BTBD8: variants seen among roughly 807,000 people sequenced by gnomAD.
The protein encoded by BTBD8 is BTB/POZ domain-containing protein 8.
Under a neutral mutation model 162.9 loss-of-function variants are expected in BTBD8, and 110 were observed. The ratio of observed to expected loss-of-function variants is 0.68; its 90% CI spans 0.58 to 0.79. The LOEUF (loss-of-function observed/expected upper bound fraction) is 0.79, where lower values mean the gene tolerates loss of function less well. Ranked by LOEUF, BTBD8 falls within the 30% of genes least tolerant of loss-of-function variation. The pLI is 0.00. For synonymous variants in BTBD8, 667 were observed against 716.1 expected, an observed-to-expected ratio of 0.93 and a Z score of 1.10; for missense variants, 1,905 against 2,085.4, an observed-to-expected ratio of 0.91 and a Z score of 1.68.
At position 92,108,002 on chromosome 1, in the gene BTBD8, G is replaced by A. The variant is rs1378706829; in HGVS notation, c.662+1G>A. The A allele has an allele frequency of 1.2e-6, 2 of 1,606,836 alleles. No individual in the cohort carries two copies. Among genetic ancestry groups the A allele is most frequent in the South Asian group, 1.1e-5 (1 of 90,928 alleles). On this transcript the variant is annotated splice_donor_variant, in intron 4 of 17. Transcript: ENST00000636805. LOFTEE classifies it high-confidence loss of function. ...ATGGAAAACGTTTTAAAGCTCACAGGTAAATAGACACGACTGATTTGCTGT... is the reference window on the plus strand; with the variant it reads ...ATGGAAAACGTTTTAAAGCTCACAGATAAATAGACACGACTGATTTGCTGT...
At chr1:92,163,399 AC>A (rs1453937918) in intron 9 of BTBD8, among the ~76,000 whole-genome samples, 1 of 147,146 alleles carries the variant, frequency 6.8e-6, no homozygotes, top group Non-Finnish European at 1.5e-5. Flanking sequence ...GATACAGAGT[AC>A]TGTGCATATT....
intron 2 of BTBD8, among the ~76,000 whole-genome samples, chr1:92,091,742 A>G (rs1311285073): frequency 6.6e-6 from 1 of 151,742 alleles, no homozygotes; most frequent in Non-Finnish European, 1.5e-5. Flanking sequence ...GGTTACTCCT[A>G]TGTTTTTTTC....
At chr1:92,120,110 T>A (rs1649163464) in intron 4 of BTBD8, among the ~76,000 whole-genome samples, 1 of 151,944 alleles carries the variant, frequency 6.6e-6, no homozygotes, top group Non-Finnish European at 1.5e-5. Flanking sequence ...CATCTCTAAC[T>A]TGAACTCCTG....
chr1:92,129,119 A>T (rs1057147930), intron 4 of BTBD8, among the ~76,000 whole-genome samples: 1 of 152,054 alleles, frequency 6.6e-6, no homozygotes, highest in South Asian at 2.1e-4. Context: ...TATTTAAAAA[A>T]TTAAATATCA....
intron 2 of BTBD8, among the ~76,000 whole-genome samples, chr1:92,093,643 A>G (rs1037873606): frequency 6.6e-6 from 1 of 152,210 alleles, no homozygotes; most frequent in Non-Finnish European, 1.5e-5. Context: ...AAAAATGGGC[A>G]CATTAATAAT....
At chr1:92,168,817 C>T in intron 11 of BTBD8, 49 bp from the exon 12 acceptor site, 1 of 1,448,486 alleles carries the variant, frequency 6.9e-7, no homozygotes, top group Non-Finnish European at 9.3e-7. Context: ...TGACTGGTTG[C>T]TATGACAATG....
At chr1:92,139,225 G>T in intron 5 of BTBD8, 125 bp from the exon 6 acceptor site, 3 of 965,008 alleles carry the variant, frequency 3.1e-6, no homozygotes, top group South Asian at 3.8e-5. Context: ...TATTTGAAGA[G>T]TATATTCTTC....
intron 1 of BTBD8, among the ~76,000 whole-genome samples, chr1:92,085,901 G>A (rs901744880): frequency 6.6e-6 from 1 of 152,094 alleles, no homozygotes; most frequent in African/African-American, 2.4e-5. Context: ...ACATAAAGTG[G>A]GACCAGGGGG....
intron 3 of BTBD8, among the ~76,000 whole-genome samples, chr1:92,106,168 G>A (rs1250860942): frequency 6.6e-6 from 1 of 152,182 alleles, no homozygotes; most frequent in African/African-American, 2.4e-5. Flanking sequence ...TAATGGACTT[G>A]TTTGGTCTCA....
rs1420286361 is a variant in BTBD8 at position 92,181,402 on chromosome 1, G to T, written c.3719G>T (p.Gly1240Val). The change falls in exon 17 of 18, where the codon GGT becomes GTT. Residue 1240 changes from glycine (G) to valine (V), a missense_variant. Gly to Val is a moderately radical substitution (Grantham distance 109). This residue lies in a region of BTBD8 where 1,374 missense variants were observed against 1,442.7 expected (regional missense o/e 0.95). Coordinates refer to ENST00000636805, the MANE Select transcript of BTBD8 (RefSeq NM_001376131.1). Reference protein sequence around the residue: ...PFVGHWNLSTGVLHQRESPES... With the variant: ...PFVGHWNLSTVVLHQRESPES... ...GTGGGTCACTGGAATTTGAGTACTGGTGTTCTGCATCAGCGAGAGAGTCCT... is the reference window on the plus strand; with the variant it reads ...GTGGGTCACTGGAATTTGAGTACTGTTGTTCTGCATCAGCGAGAGAGTCCT... 6.4e-7 allele frequency: 1 copy of T among 1,551,648 alleles called. No homozygotes were observed. Among genetic ancestry groups the T allele is most frequent in the Non-Finnish European group, 8.7e-7 (1 of 1,146,972 alleles).
chr1:92,154,363 G>A (rs1371663977), intron 9 of BTBD8, among the ~76,000 whole-genome samples: 1 of 152,150 alleles, frequency 6.6e-6, no homozygotes, highest in East Asian at 1.9e-4. Flanking sequence ...CCTGCATACT[G>A]TTCTACATAG....
At chr1:92,080,809 C>A (rs556781550) in intron 1 of BTBD8, 89 bp downstream of exon 1, 4 of 1,520,652 alleles carry the variant, frequency 2.6e-6, no homozygotes, top group African/African-American at 1.4e-5. Context: ...TCTGCCTCCC[C>A]CTCCCTCAGC....
intron 4 of BTBD8, among the ~76,000 whole-genome samples, chr1:92,121,762 G>A (rs912755011): frequency 3.9e-5 from 6 of 151,906 alleles, no homozygotes; most frequent in Admixed American, 6.6e-5. Flanking sequence ...GGCAACAAAT[G>A]ATTTTCATGT....
intron 5 of BTBD8, among the ~76,000 whole-genome samples, chr1:92,135,110 C>T (rs747996491): frequency 1.3e-5 from 2 of 151,832 alleles, no homozygotes; most frequent in Non-Finnish European, 1.5e-5. Context: ...AGGCTGGTCT[C>T]GACCTCCTGA....
At chr1:92,100,861 G>A (rs536025588) in intron 2 of BTBD8, among the ~76,000 whole-genome samples, 65 of 152,174 alleles carry the variant, frequency 4.3e-4, no homozygotes, top group African/African-American at 1.3e-3. Flanking sequence ...CGTTTGCCTC[G>A]GCCTCCCAAA....
At chr1:92,146,690 A>G (rs1196242827) in intron 7 of BTBD8, among the ~76,000 whole-genome samples, 1 of 152,172 alleles carries the variant, frequency 6.6e-6, no homozygotes, top group Non-Finnish European at 1.5e-5. Flanking sequence ...GGGATGTAAT[A>G]TAGTTGCAAT....
intron 4 of BTBD8, among the ~76,000 whole-genome samples, chr1:92,128,628 C>T (rs1251505635): frequency 1.3e-5 from 2 of 151,788 alleles, no homozygotes; most frequent in East Asian, 3.9e-4. Context: ...TCATATTGGC[C>T]AGGCTGGTCT....
chr1:92,140,620 T>C (rs972019773), intron 6 of BTBD8, among the ~76,000 whole-genome samples: 1 of 152,220 alleles, frequency 6.6e-6, no homozygotes, highest in Admixed American at 6.5e-5. Flanking sequence ...ACCTAAAGTA[T>C]GTGTAGGTGT....
intron 10 of BTBD8, 67 bp downstream of exon 10, chr1:92,167,207 G>C: frequency 2.7e-6 from 4 of 1,504,548 alleles, no homozygotes; most frequent in Non-Finnish European, 3.6e-6. Flanking sequence ...TTATGTAAGA[G>C]CTTTTAAATG....
Sources: allele counts gnomAD v4.1 joint callset (sites outside exome capture counted in the v4.1 genomes callset), GRCh38; gene constraint gnomAD v4.1.1; regional missense constraint gnomAD v4.1.1; transcripts MANE v1.5; gene names NCBI Gene and HGNC (gene_info 2026-07-23, HGNC 2026-07-21).